CNTLN: variants seen among roughly 807,000 people sequenced by gnomAD.
CNTLN encodes the protein centlein, also known as centlein, centrosomal protein.
A neutral mutation model predicts 180.0 loss-of-function variants in CNTLN; 212 were observed. The ratio of observed to expected loss-of-function variants is 1.18; its 90% CI spans 1.05 to 1.32. CNTLN has a LOEUF of 1.32. CNTLN is among the 40% of genes most tolerant of loss of function. CNTLN has a pLI of 0.00. For synonymous variants in CNTLN, 722 were observed against 563.1 expected (o/e 1.28, Z -3.99); for missense variants, 2,095 against 1,610.9 (o/e 1.30, Z -5.14).
chr9:17,326,288 T>C (rs1237872556), intron 8 of CNTLN, among the ~76,000 whole-genome samples: 1 of 152,054 alleles, frequency 6.6e-6, no homozygotes, highest in Non-Finnish European at 1.5e-5. Context: ...GAGCAAAATA[T>C]TTTTAATATT....
rs1462655998 is a variant in CNTLN, at chr9:17,135,091, C to T, written c.26C>T (p.Pro9Leu). ...ATGGCGGCGCGTTCGCCTCCCTCAC[C>T]GCACCCTTCGCCCCCAGCGCGACAG... MAARSPPS[P>L]HPSPPARQLG... Residue 9 changes from proline to leucine, a missense_variant, in exon 1 of 26, where the codon CCG becomes CTG. Transcript: ENST00000380647. 1.9e-6 allele frequency: 3 copies of T among 1,603,430 alleles called. No homozygotes were observed. Among genetic ancestry groups the T allele is most frequent in the African/African-American group, 2.7e-5 (2 of 74,960 alleles).
At chr9:17,489,843 C>G (rs1024912430) in intron 25 of CNTLN, among the ~76,000 whole-genome samples, 1 of 152,020 alleles carries the variant, frequency 6.6e-6, no homozygotes, top group Non-Finnish European at 1.5e-5. Context: ...TTGTCTTTGT[C>G]CCCAGAGATT....
At chr9:17,508,220 C>A (rs1341342091), downstream of CNTLN, among the ~76,000 whole-genome samples, 1 of 152,110 alleles carries the variant, frequency 6.6e-6, no homozygotes, top group Non-Finnish European at 1.5e-5. Flanking sequence ...TTTTTATTTT[C>A]CAGATTTTTC....
chr9:17,457,800 A>G (rs1831219225), intron 19 of CNTLN, 85 bp downstream of exon 19: 6 of 836,260 alleles, frequency 7.2e-6, no homozygotes, highest in Non-Finnish European at 9.9e-6. Context: ...AATTTATTCT[A>G]ATAAAGGTAA....
chr9:17,504,222 G>C (rs759708605), downstream of CNTLN, among the ~76,000 whole-genome samples: 1 of 152,108 alleles, frequency 6.6e-6, no homozygotes, highest in African/African-American at 2.4e-5. Context: ...ATTGGATGGC[G>C]AAGCATTGTG....
At chr9:17,386,903 AC>A (rs1440974096) in intron 13 of CNTLN, among the ~76,000 whole-genome samples, 1 of 152,242 alleles carries the variant, frequency 6.6e-6, no homozygotes, top group African/African-American at 2.4e-5. Flanking sequence ...TTATTTCTAT[AC>A]TGCTGAAAGA....
At chr9:17,326,818 G>A (rs1399130319) in intron 8 of CNTLN, among the ~76,000 whole-genome samples, 1 of 152,004 alleles carries the variant, frequency 6.6e-6, no homozygotes, top group Non-Finnish European at 1.5e-5. Flanking sequence ...CAAAGGAGGG[G>A]CATCCTACAG....
chr9:17,433,724 T>C (rs888961769), intron 18 of CNTLN, among the ~76,000 whole-genome samples: 1 of 151,954 alleles, frequency 6.6e-6, no homozygotes, highest in African/African-American at 2.4e-5. Flanking sequence ...AACTGCTGGG[T>C]GTGTGTCACC....
chr9:17,255,381 G>C (rs976153091), intron 5 of CNTLN, among the ~76,000 whole-genome samples: 1 of 151,642 alleles, frequency 6.6e-6, no homozygotes. Flanking sequence ...GTTGGTGGGT[G>C]TTCTTTTAAT....
Position 17,214,557 on chromosome 9 carries a change from A to G in CNTLN, c.450-11646A>G, listed in dbSNP as rs143303251. On this transcript the variant is annotated intron_variant, in intron 2 of 25. Transcript: ENST00000380647. ...CTTGGAGTTGCTCTTCTCGAGGAGT[A>G]TCTTTGTGGCGTTCTCTGTATTTCC... is the stretch of plus-strand genomic sequence containing the variant. 1.8e-3 allele frequency among the ~76,000 whole-genome samples: 268 copies of G among 152,196 alleles called. 1 individual carries two copies. The highest frequency in any genetic ancestry group is 6.1e-3 in the African/African-American group (255 of 41,536).
chr9:17,228,585 A>G (rs1824620958), intron 3 of CNTLN, among the ~76,000 whole-genome samples: 1 of 152,074 alleles, frequency 6.6e-6, no homozygotes, highest in South Asian at 2.1e-4. Flanking sequence ...GATAGAAGTA[A>G]GGTGGAAATT....
At chr9:17,412,684 A>G (rs1308971939) in intron 16 of CNTLN, among the ~76,000 whole-genome samples, 1 of 152,186 alleles carries the variant, frequency 6.6e-6, no homozygotes, top group South Asian at 2.1e-4. Context: ...AGGCTAAGCT[A>G]TGATGTTTGG....
At chr9:17,353,949 C>T (rs777070699) in intron 12 of CNTLN, among the ~76,000 whole-genome samples, 9 of 152,120 alleles carry the variant, frequency 5.9e-5, no homozygotes, top group African/African-American at 1.2e-4. Context: ...GAGGCGTGAG[C>T]GGGAACCCGG....
the CNTLN span, among the ~76,000 whole-genome samples, chr9:17,515,497 G>T: frequency 1.3e-5 from 2 of 151,976 alleles, no homozygotes; most frequent in Non-Finnish European, 2.9e-5. Context: ...CTACTTGATG[G>T]TCTAATAGGT....
intron 9 of CNTLN, among the ~76,000 whole-genome samples, chr9:17,331,024 A>G (rs1481761874): frequency 6.6e-6 from 1 of 152,018 alleles, no homozygotes; most frequent in East Asian, 1.9e-4. Flanking sequence ...TTAATTAAAT[A>G]TATTATTAGT....
chr9:17,177,292 C>T (rs911240149), intron 2 of CNTLN, among the ~76,000 whole-genome samples: 11 of 152,042 alleles, frequency 7.2e-5, no homozygotes, highest in African/African-American at 2.7e-4. Context: ...ACCTGTAGTC[C>T]CAGCTGCTCT....
At chr9:17,382,459 G>A (rs972069344) in intron 13 of CNTLN, among the ~76,000 whole-genome samples, 2 of 152,126 alleles carry the variant, frequency 1.3e-5, no homozygotes, top group African/African-American at 4.8e-5. Context: ...AACCTTTTAG[G>A]CATATTCAGG....
intron 5 of CNTLN, among the ~76,000 whole-genome samples, chr9:17,246,371 G>A (rs1825796166): frequency 6.6e-6 from 1 of 152,108 alleles, no homozygotes; most frequent in African/African-American, 2.4e-5. Flanking sequence ...AGAGACTCTT[G>A]TTCTCTTCCC....
intron 18 of CNTLN, among the ~76,000 whole-genome samples, chr9:17,440,421 C>CAAA (rs528636729): frequency 3.3e-4 from 25 of 75,666 alleles, no homozygotes; most frequent in African/African-American, 1.1e-3. Context: ...AAATAAAATA[C>CAAA]AAAAAAAAAA....
Sources: gnomAD v4.1 joint callset for allele counts (sites outside exome capture counted in the v4.1 genomes callset) on GRCh38, gnomAD v4.1.1 for gene constraint, MANE v1.5 for transcripts, NCBI Gene and HGNC (gene_info 2026-07-23, HGNC 2026-07-21) for gene names.